The following TMEM168 variants were observed in gnomAD, a reference collection of about 807,000 sequenced individuals.
TMEM168 encodes transmembrane protein 168.
Under a neutral mutation model 53.2 loss-of-function variants are expected in TMEM168, and 40 were observed. That is an observed-to-expected ratio of 0.75 (90% CI 0.58 to 0.98). The LOEUF (loss-of-function observed/expected upper bound fraction) is 0.98. TMEM168 is among the 50% of genes least tolerant of loss of function. The pLI is 0.00. For missense variants in TMEM168, 771 were observed against 828.8 expected (o/e 0.93, Z 0.86); for synonymous variants, 282 against 293.0 (o/e 0.96, Z 0.38).
intron 2 of TMEM168, among the ~76,000 whole-genome samples, chr7:112,776,541 AAATG>A (rs1793089052): frequency 6.6e-6 from 1 of 152,096 alleles, no homozygotes; most frequent in African/African-American, 2.4e-5. Flanking sequence ...TGCAATAGAA[AAATG>A]AATATACTGC....
intron 2 of TMEM168, among the ~76,000 whole-genome samples, chr7:112,781,629 C>T (rs982165288): frequency 6.6e-6 from 1 of 151,464 alleles, no homozygotes; most frequent in African/African-American, 2.4e-5. Flanking sequence ...TAAACAAAGA[C>T]GCCAAGGCAA....
At chr7:112,779,050 C>A (rs1793163398) in intron 2 of TMEM168, among the ~76,000 whole-genome samples, 1 of 152,044 alleles carries the variant, frequency 6.6e-6, no homozygotes, top group Non-Finnish European at 1.5e-5. Flanking sequence ...CACCACCATG[C>A]CTGGCTAATT....
chr7:112,769,243 C>T (rs1312001605), intron 4 of TMEM168, among the ~76,000 whole-genome samples: 3 of 152,198 alleles, frequency 2.0e-5, no homozygotes, highest in South Asian at 4.1e-4. Context: ...TTTTATTAAT[C>T]GCTCTAACAC....
intron 2 of TMEM168, among the ~76,000 whole-genome samples, chr7:112,777,537 C>G (rs1382584782): frequency 2.0e-5 from 3 of 152,010 alleles, no homozygotes; most frequent in African/African-American, 7.2e-5. Context: ...TTACCATATC[C>G]TCTGAGTCTT....
chr7:112,768,744 A>G (rs1465011012), intron 4 of TMEM168, among the ~76,000 whole-genome samples: 3 of 152,174 alleles, frequency 2.0e-5, no homozygotes, highest in Non-Finnish European at 4.4e-5. Context: ...TCAATGGTAC[A>G]CTGATAACGA....
Position 112,772,950 on chromosome 7 carries a change from CAT to C in TMEM168, c.1375_1376del (p.Met459AspfsTer2). On this transcript the variant is annotated frameshift_variant, in exon 4 of 5. Coordinates refer to ENST00000312814, the MANE Select transcript of TMEM168 (RefSeq NM_022484.6). LOFTEE classifies it high-confidence loss of function. ...NAIQRFFAYHMIETYGCDYST... is the reference protein window; with the variant it reads ...NAIQRFFAYHXIETYGCDYST... Reference sequence around the variant, plus strand: ...AATAGTCACATCCATAGGTCTCAATCATATGATATGCAAAAAATCTTTGGATA... The same window carrying C: ...AATAGTCACATCCATAGGTCTCAATCATGATATGCAAAAAATCTTTGGATA... 1 of 1,614,064 alleles carries C rather than the reference CAT, an allele frequency of 6.2e-7. No individual in the cohort carries two copies. The highest frequency in any genetic ancestry group is 1.6e-4 in the Middle Eastern group (1 of 6,062).
chr7:112,765,874 T>C lies in TMEM168; in HGVS notation c.*1323A>G, dbSNP rs1792764402. On this transcript the variant is annotated 3_prime_UTR_variant, in exon 5 of 5. Coordinates refer to ENST00000312814, the MANE Select transcript of TMEM168 (RefSeq NM_022484.6). ...TCTTCCTAACTTAAAAGTTCAATTT[T>C]CAAGTCACCAGGTAGAAAATGGTGG... 2 of 152,588 alleles carry C rather than the reference T, an allele frequency of 1.3e-5. No homozygotes were observed. Among genetic ancestry groups the C allele is most frequent in the Admixed American group, 1.3e-4 (2 of 15,270 alleles). 9.5% of individuals were successfully genotyped at this position (152,588 alleles called of 1,614,324 possible).
At chr7:112,768,805 A>T (rs1346766071) in intron 4 of TMEM168, among the ~76,000 whole-genome samples, 2 of 152,192 alleles carry the variant, frequency 1.3e-5, no homozygotes, top group African/African-American at 2.4e-5. Flanking sequence ...CATAGGGACA[A>T]AAAATTACAA....
At chr7:112,775,433 CAATT>C (rs1028853614) in intron 2 of TMEM168, 115 bp from the exon 3 acceptor site, 2 of 913,402 alleles carry the variant, frequency 2.2e-6, no homozygotes, top group Non-Finnish European at 3.1e-6. Context: ...ATAAAAGGAA[CAATT>C]AATGATCTAA....
Position 112,772,666 on chromosome 7 carries a change from ATG to A in TMEM168, c.1546+113_1546+114del, listed in dbSNP as rs1335012626. ...GCAAAGAAAAACAAATTAGAGTCATATGCATAGTTCAGTAAACTAAGAATCCT... is the reference window on the plus strand; with the variant it reads ...GCAAAGAAAAACAAATTAGAGTCATACATAGTTCAGTAAACTAAGAATCCT... On this transcript the variant is annotated intron_variant, in intron 4 of 4. Transcript: ENST00000312814. 4.1e-6 allele frequency: 5 copies of A among 1,217,450 alleles called. No homozygotes were observed. In the Admixed American group the frequency reaches 1.2e-4, roughly 29 times the overall value. The allele number at this position is 1,217,450 out of a possible 1,614,324, so 75.4% of individuals were successfully genotyped here. A position where few individuals can be genotyped will look rare whatever the true frequency, so the allele number is the denominator to read the frequency against.
intron 4 of TMEM168, among the ~76,000 whole-genome samples, chr7:112,770,440 C>T (rs1223348707): frequency 6.6e-6 from 1 of 152,030 alleles, no homozygotes; most frequent in African/African-American, 2.4e-5. Context: ...AATTCTGTAA[C>T]GGTCAATTTA....
At chr7:112,782,632 T>C (rs1793262241) in intron 2 of TMEM168, among the ~76,000 whole-genome samples, 1 of 152,226 alleles carries the variant, frequency 6.6e-6, no homozygotes, top group Non-Finnish European at 1.5e-5. Flanking sequence ...ACAGGATCCC[T>C]GCCCTAGCCC....
rs1792749280 is a variant in TMEM168, at chr7:112,765,400, C to T, written c.*1797G>A. The T allele has an allele frequency of 6.6e-6, 1 of 152,090 alleles. No homozygotes were observed. Among genetic ancestry groups the T allele is most frequent in the Non-Finnish European group, 1.5e-5 (1 of 68,006 alleles). The allele number at this position is 152,090 out of a possible 1,614,324, so 9.4% of individuals were successfully genotyped here. On this transcript the variant is annotated 3_prime_UTR_variant, in exon 5 of 5. Coordinates refer to ENST00000312814, the MANE Select transcript of TMEM168 (RefSeq NM_022484.6). ...TACCTTATAAAGAATGCAGAATATACTTTTGTATTTGGCTTTCTTAAAGTG... is the reference window on the plus strand; with the variant it reads ...TACCTTATAAAGAATGCAGAATATATTTTTGTATTTGGCTTTCTTAAAGTG...
At position 112,772,851 on chromosome 7, in the gene TMEM168, T is replaced by A. The variant is rs377557057; in HGVS notation, c.1476A>T (p.Gly492=). Residue 492 remains glycine (G), a synonymous_variant, in exon 4 of 5, where the codon GGA becomes GGT. Transcript: ENST00000312814. The part of the protein sequence containing the change: ...KAFLELRTVD[G]PRHDTYILYY... ...ACAAAATATACGTATCATGTCTGGGTCCATCCACTGTCCGAAGTTCGAGGA... is the reference window on the plus strand; with the variant it reads ...ACAAAATATACGTATCATGTCTGGGACCATCCACTGTCCGAAGTTCGAGGA... The A allele has an allele frequency of 6.2e-7, 1 of 1,614,076 alleles. No individual in the cohort carries two copies.
In TMEM168 at chr7:112,767,223, G is replaced by C. The variant is rs765134617; in HGVS notation, c.2068C>G (p.Gln690Glu). The change falls in exon 5 of 5, where the codon CAA becomes GAA. Residue 690 changes from glutamine (Q) to glutamate (E), a missense_variant. Physicochemically the swap from Gln to Glu is conservative, Grantham distance 29. Coordinates refer to ENST00000312814, the MANE Select transcript of TMEM168 (RefSeq NM_022484.6). Reference protein sequence around the residue: ...WFLPTVLDTGQGFKLVKS With the variant: ...WFLPTVLDTGEGFKLVKS ...TAAGATTTGACAAGTTTGAAGCCTT[G>C]TCCTGTGTCCAGCACAGTAGGAAGA... 4 of 1,613,570 alleles carry C rather than the reference G, an allele frequency of 2.5e-6. No homozygotes were observed. The highest frequency in any genetic ancestry group is 1.1e-5 in the South Asian group (1 of 91,028).
Position 112,767,689 on chromosome 7 carries a change from A to G in TMEM168, c.1602T>C (p.Gly534=), listed in dbSNP as rs1282650397. ...CGATAATAAGCCGGGAACAAAAGGA[A>G]CCATTCTTTTCTCTCCACCATTCTA... ...TLIEWWREKN[G]SFCSRLIIVL... is the part of the protein sequence containing the mutation. The change falls in exon 5 of 5, where the codon GGT becomes GGC. Residue 534 remains glycine (G), a synonymous_variant. Coordinates refer to ENST00000312814, the MANE Select transcript of TMEM168 (RefSeq NM_022484.6). The G allele has an allele frequency of 6.2e-7, 1 of 1,613,942 alleles. No homozygotes were observed. The highest frequency in any genetic ancestry group is 1.1e-5 in the South Asian group (1 of 91,078).
intron 4 of TMEM168, among the ~76,000 whole-genome samples, chr7:112,769,774 T>C (rs1471672011): frequency 1.3e-5 from 2 of 152,200 alleles, no homozygotes; most frequent in Non-Finnish European, 2.9e-5. Context: ...TCTACATTTT[T>C]TCCATTTATT....
rs1792769331 is a variant in TMEM168, at chr7:112,766,028, T to C, written c.*1169A>G. ...TTCCCTTCTTGTTTGTTATTTCTCATAGATGAAAATTTAGAATGTAATAAT... is the reference window on the plus strand; with the variant it reads ...TTCCCTTCTTGTTTGTTATTTCTCACAGATGAAAATTTAGAATGTAATAAT... On this transcript the variant is annotated 3_prime_UTR_variant, in exon 5 of 5. Transcript: ENST00000312814. The C allele has an allele frequency of 6.6e-6, 1 of 152,576 alleles. No individual in the cohort carries two copies. The highest frequency in any genetic ancestry group is 2.4e-5 in the African/African-American group (1 of 41,420). The allele number at this position is 152,576 out of a possible 1,614,324, so 9.5% of individuals were successfully genotyped here. A position where few individuals can be genotyped will look rare whatever the true frequency, so the allele number is the denominator to read the frequency against.
At chr7:112,785,246 TCAA>T (rs1048489916) in intron 1 of TMEM168, among the ~76,000 whole-genome samples, 1 of 152,228 alleles carries the variant, frequency 6.6e-6, no homozygotes, top group Non-Finnish European at 1.5e-5. Context: ...ATCTGGTTTT[TCAA>T]CAACAAGGAA....
Sources: allele counts gnomAD v4.1 joint callset (sites outside exome capture counted in the v4.1 genomes callset), GRCh38; gene constraint gnomAD v4.1.1; transcripts MANE v1.5; gene names NCBI Gene and HGNC (gene_info 2026-07-23, HGNC 2026-07-21).